ARL15: variants seen among roughly 807,000 people sequenced by gnomAD.
ARL15 encodes the protein ADP-ribosylation factor-like protein 15.
In ARL15, 19 loss-of-function variants were observed where a neutral mutation model predicts 25.2. The observed-to-expected ratio is 0.75, with a 90% CI of 0.53 to 1.10. ARL15 has a LOEUF of 1.10. ARL15 is among the 50% of genes least tolerant of loss of function. The pLI, the probability that ARL15 is intolerant of heterozygous loss-of-function variation, is 0.00. For missense variants in ARL15, 220 were observed against 246.0 expected, an observed-to-expected ratio of 0.89 and a Z score of 0.71; for synonymous variants, 94 against 86.8, an observed-to-expected ratio of 1.08 and a Z score of -0.46.
At chr5:54,117,656 T>A (rs1228583341) in intron 3 of ARL15, among the ~76,000 whole-genome samples, 1 of 152,178 alleles carries the variant, frequency 6.6e-6, no homozygotes, top group Non-Finnish European at 1.5e-5. Flanking sequence ...AGTAGACAGT[T>A]GATTTGACAA....
At chr5:54,287,666 T>G (rs1304762355) in intron 1 of ARL15, among the ~76,000 whole-genome samples, 3 of 152,154 alleles carry the variant, frequency 2.0e-5, no homozygotes, top group Non-Finnish European at 4.4e-5. Context: ...TGCATTCATA[T>G]GAATATACAA....
chr5:53,905,749 C>G (rs1052107812), intron 4 of ARL15, among the ~76,000 whole-genome samples: 6 of 152,122 alleles, frequency 3.9e-5, no homozygotes, highest in African/African-American at 1.4e-4. Flanking sequence ...AAACAAAAAT[C>G]ATATAATTCC....
At chr5:54,020,791 T>TAA (rs146286288) in intron 4 of ARL15, among the ~76,000 whole-genome samples, 3,073 of 147,690 alleles carry the variant, frequency 0.021, 35 homozygotes, top group Non-Finnish European at 0.027. Context: ...TAATAAAAAT[T>TAA]AAAAGAAAAA....
chr5:54,209,321 TATAAAA>T (rs1352207159), intron 1 of ARL15, among the ~76,000 whole-genome samples: 2 of 134,392 alleles, frequency 1.5e-5, no homozygotes, highest in East Asian at 4.0e-4. Context: ...TGGTGGTAAA[TATAAAA>T]AGAGAAAGAG....
intron 4 of ARL15, among the ~76,000 whole-genome samples, chr5:54,037,342 A>C (rs1018590950): frequency 3.3e-5 from 5 of 152,144 alleles, no homozygotes; most frequent in African/African-American, 9.6e-5. Context: ...GAATACATTG[A>C]ACTTAGAAAT....
intron 4 of ARL15, among the ~76,000 whole-genome samples, chr5:54,002,135 C>T (rs1224085093): frequency 6.7e-6 from 1 of 148,246 alleles, no homozygotes; most frequent in Non-Finnish European, 1.5e-5. Flanking sequence ...TTTCTTTTTC[C>T]CATTTTGGCA....
At position 53,936,459 on chromosome 5, in the gene ARL15, T is replaced by C. The variant is rs1411787278; in HGVS notation, c.463-49746A>G. Among the ~76,000 whole-genome samples, 12 of 152,346 alleles carry C rather than the reference T, an allele frequency of 7.9e-5. 1 individual carries two copies. The East Asian group carries it at 1.7e-3, about 22-fold the overall frequency. On this transcript the variant is annotated intron_variant, in intron 4 of 4. Coordinates refer to ENST00000504924, the MANE Select transcript of ARL15 (RefSeq NM_019087.3). ...CATATCTATGACACTATTGTCTAGCTTGGATAATCAGAATCTTGGGGTAAT... is the reference window on the plus strand; with the variant it reads ...CATATCTATGACACTATTGTCTAGCCTGGATAATCAGAATCTTGGGGTAAT...
chr5:53,964,390 A>G (rs1000954542), intron 4 of ARL15, among the ~76,000 whole-genome samples: 1 of 152,140 alleles, frequency 6.6e-6, no homozygotes, highest in East Asian at 1.9e-4. Flanking sequence ...GACGGAGTCT[A>G]GCTCTGTCCC....
chr5:53,933,896 A>G (rs2112061407), intron 4 of ARL15, among the ~76,000 whole-genome samples: 1 of 152,318 alleles, frequency 6.6e-6, no homozygotes, highest in East Asian at 1.9e-4. Context: ...CAGATTTTCA[A>G]GATTCCCAAG....
At chr5:54,234,977 C>CA (rs1332271003) in intron 1 of ARL15, among the ~76,000 whole-genome samples, 9 of 122,206 alleles carry the variant, frequency 7.4e-5, no homozygotes, top group Non-Finnish European at 1.0e-4. Context: ...AGGTCACACA[C>CA]AAAAAACTTC....
intron 3 of ARL15, among the ~76,000 whole-genome samples, chr5:54,122,797 T>C (rs889542072): frequency 1.3e-5 from 2 of 152,214 alleles, no homozygotes; most frequent in African/African-American, 4.8e-5. Flanking sequence ...TAACTGTTTA[T>C]AACCCACTTT....
At chr5:53,906,415 T>C (rs765851195) in intron 4 of ARL15, among the ~76,000 whole-genome samples, 1 of 152,106 alleles carries the variant, frequency 6.6e-6, no homozygotes, top group African/African-American at 2.4e-5. Context: ...CACCAAGATA[T>C]GGTTTACCTC....
At position 53,926,951 on chromosome 5, in the gene ARL15, A is replaced by ATTT. The variant is rs1580087753; in HGVS notation, c.463-40239_463-40238insAAA. Among the ~76,000 whole-genome samples, 142 of 148,532 alleles carry ATTT rather than the reference A, an allele frequency of 9.6e-4. 2 individuals are homozygous for ATTT. The highest frequency in any genetic ancestry group is 7.6e-4 in the Non-Finnish European group (51 of 67,176). ...TCAGTCACCAAGACCTTTTTTTTTA[A>ATTT]AAAAAAAAAATAAAGTCCAAAAGCC... On this transcript the variant is annotated intron_variant, in intron 4 of 4. Transcript: ENST00000504924.
At chr5:54,055,453 C>T (rs549131228) in intron 4 of ARL15, among the ~76,000 whole-genome samples, 3 of 148,828 alleles carry the variant, frequency 2.0e-5, no homozygotes, top group Middle Eastern at 3.6e-3. Context: ...CTCCATCTCC[C>T]GGGTTCAAGC....
At chr5:54,077,231 T>C (rs977132678) in intron 4 of ARL15, among the ~76,000 whole-genome samples, 1 of 152,160 alleles carries the variant, frequency 6.6e-6, no homozygotes, top group Non-Finnish European at 1.5e-5. Context: ...TTTAAGGATA[T>C]CTACTACTCA....
chr5:54,029,312 C>CACCACCACCACCACCACCACT (rs1242885106), intron 4 of ARL15, among the ~76,000 whole-genome samples: 7 of 115,946 alleles, frequency 6.0e-5, no homozygotes, highest in African/African-American at 1.8e-4. Flanking sequence ...CAGTTACCAC[C>CACCACCACCACCACCACCACT]ACCACCACCA....
At chr5:54,165,240 A>G (rs1754529632) in intron 2 of ARL15, among the ~76,000 whole-genome samples, 1 of 152,004 alleles carries the variant, frequency 6.6e-6, no homozygotes, top group Non-Finnish European at 1.5e-5. Context: ...TTAAAGACAT[A>G]CCTCTTAAAG....
intron 4 of ARL15, among the ~76,000 whole-genome samples, chr5:54,080,413 C>T (rs1751759382): frequency 6.6e-6 from 1 of 152,068 alleles, no homozygotes. Context: ...TCAAAGATGC[C>T]TTTGGGGATG....
intron 4 of ARL15, among the ~76,000 whole-genome samples, chr5:54,004,908 A>G (rs1748973720): frequency 6.6e-6 from 1 of 152,194 alleles, no homozygotes; most frequent in South Asian, 2.1e-4. Context: ...TCAGCATATT[A>G]TGTTTTCTGC....
Sources: allele counts gnomAD v4.1 joint callset (sites outside exome capture counted in the v4.1 genomes callset), GRCh38; gene constraint gnomAD v4.1.1; transcripts MANE v1.5; gene names NCBI Gene and HGNC (gene_info 2026-07-23, HGNC 2026-07-21).